Variants in ABCA12 observed in about 807,000 individuals in gnomAD.
ABCA12 encodes the protein ATP binding cassette subfamily A member 12, also known as glucosylceramide transporter ABCA12.
In ABCA12, 156 loss-of-function variants were observed where a neutral mutation model predicts 293.5. The observed-to-expected ratio is 0.53, with a 90% CI of 0.47 to 0.61. The LOEUF (loss-of-function observed/expected upper bound fraction) is 0.61. Among genes scored for constraint, ABCA12 ranks in the 20% least tolerant of loss-of-function variants. The pLI is 0.00. For missense variants in ABCA12, 2,797 were observed against 3,090.2 expected (o/e 0.91, Z 2.25); for synonymous variants, 1,063 against 1,108.0 (o/e 0.96, Z 0.81).
chr2:215,070,025 T>C (rs10177417), intron 2 of ABCA12, among the ~76,000 whole-genome samples: 86,031 of 152,112 alleles, frequency 0.57, 24,485 homozygotes, highest in East Asian at 0.69. Flanking sequence ...TCTAACCTAA[T>C]ATACATCGTT....
At chr2:214,992,221 T>A (rs921572885) in intron 23 of ABCA12, among the ~76,000 whole-genome samples, 1 of 151,702 alleles carries the variant, frequency 6.6e-6, no homozygotes, top group Non-Finnish European at 1.5e-5. Context: ...GACGGGCAGA[T>A]CACGAGGTCA....
At chr2:215,042,289 A>G (rs1236947121) in intron 7 of ABCA12, 2 of 152,148 alleles carry the variant, frequency 1.3e-5, no homozygotes, top group Non-Finnish European at 2.9e-5. Context: ...CAGGCCAGAG[A>G]GCACTGACAT....
chr2:214,975,192 G>A (rs766383501), intron 34 of ABCA12, among the ~76,000 whole-genome samples: 8 of 152,136 alleles, frequency 5.3e-5, no homozygotes, highest in Non-Finnish European at 8.8e-5. Flanking sequence ...TCAAACTCTG[G>A]AGCTCAAGTA....
intron 22 of ABCA12, 95 bp from the exon 23 acceptor site, chr2:214,997,904 T>C (rs975628932): frequency 1.4e-5 from 11 of 783,598 alleles, no homozygotes; most frequent in South Asian, 7.6e-5. Context: ...CTCTCTTACA[T>C]TGAACTTATG....
chr2:215,106,121 G>A (rs935232104), intron 2 of ABCA12, among the ~76,000 whole-genome samples: 47 of 152,096 alleles, frequency 3.1e-4, no homozygotes, highest in Non-Finnish European at 1.0e-4. Flanking sequence ...CAAGAGCAAG[G>A]CCAGAACACA....
intron 38 of ABCA12, among the ~76,000 whole-genome samples, chr2:214,967,176 G>A (rs1699281283): frequency 6.6e-6 from 1 of 152,026 alleles, no homozygotes; most frequent in Admixed American, 6.6e-5. Context: ...TTGTTCTGTG[G>A]ATAGCACTAA....
chr2:214,971,013 G>C (rs1481557892), intron 36 of ABCA12, among the ~76,000 whole-genome samples: 1 of 152,012 alleles, frequency 6.6e-6, no homozygotes, highest in Non-Finnish European at 1.5e-5. Flanking sequence ...GTGTACCCTG[G>C]TCACTTTCCC....
chr2:215,096,022 G>A (rs991991459), intron 2 of ABCA12, among the ~76,000 whole-genome samples: 10 of 152,106 alleles, frequency 6.6e-5, no homozygotes, highest in Non-Finnish European at 1.2e-4. Context: ...TCACACGGAC[G>A]TGCATAACAA....
At chr2:214,972,842 C>G (rs949803979) in intron 36 of ABCA12, among the ~76,000 whole-genome samples, 2 of 151,314 alleles carry the variant, frequency 1.3e-5, no homozygotes, top group South Asian at 4.2e-4. Flanking sequence ...ACTTTTAATA[C>G]TGGGTTAAGA....
intron 3 of ABCA12, among the ~76,000 whole-genome samples, chr2:215,055,517 T>A (rs1280315084): frequency 3.3e-5 from 5 of 152,064 alleles, no homozygotes; most frequent in Admixed American, 2.0e-4. Context: ...ATGCAAATAA[T>A]TTTTAGAATT....
chr2:214,993,659 T>A (rs1699973619), intron 23 of ABCA12, among the ~76,000 whole-genome samples: 1 of 152,198 alleles, frequency 6.6e-6, no homozygotes, highest in Non-Finnish European at 1.5e-5. Context: ...TACAAACATA[T>A]TTCGTCCCAG....
At chr2:215,034,731 T>C (rs550513483) in intron 8 of ABCA12, among the ~76,000 whole-genome samples, 19 of 152,216 alleles carry the variant, frequency 1.2e-4, no homozygotes, top group Non-Finnish European at 2.4e-4. Flanking sequence ...TTCTGTTTCT[T>C]TGTCTATAAA....
chr2:215,123,961 T>C (rs1702864783), intron 1 of ABCA12, among the ~76,000 whole-genome samples: 4 of 152,172 alleles, frequency 2.6e-5, no homozygotes, highest in Admixed American at 2.6e-4. Context: ...CATTGCATCA[T>C]TCTTATGCCT....
In ABCA12 at chr2:215,011,503, A is replaced by G. The variant is rs1700371838; in HGVS notation, c.2268T>C (p.Asp756=). Residue 756 remains aspartate (D), a synonymous_variant, in exon 17 of 53, where the codon GAT becomes GAC. Transcript: ENST00000272895. ...CTTTAGTTAATTTATAAGTCAAAAA[A>G]TCCTTGGTGTGGTTGCCTTTTGGCC... is the stretch of plus-strand genomic sequence containing the variant. ...SQRPKGNHTK[D]FLTYKLTKEQ... 6.2e-7 allele frequency: 1 copy of G among 1,614,042 alleles called. No individual in the cohort carries two copies. The highest frequency in any genetic ancestry group is 8.5e-7 in the Non-Finnish European group (1 of 1,179,910).
intron 28 of ABCA12, among the ~76,000 whole-genome samples, chr2:214,984,580 C>G (rs1446494253): frequency 6.6e-6 from 1 of 152,128 alleles, no homozygotes; most frequent in Non-Finnish European, 1.5e-5. Flanking sequence ...TGTGAGATTT[C>G]TTACAGGGTC....
chr2:215,011,910 T>C (rs1700384561), intron 16 of ABCA12, 61 bp downstream of exon 16: 6 of 1,501,860 alleles, frequency 4.0e-6, no homozygotes, highest in South Asian at 3.4e-5. Flanking sequence ...GAATGTATTA[T>C]AACTACTCAA....
In ABCA12 at chr2:215,036,964, G is replaced by C. The variant is rs138402017; in HGVS notation, c.974C>G (p.Ser325Cys). ...SVKHLLYTLD[S>C]PAQGDSDNIT... ...TGGAAATATAATACCTTGAGCTGGG[G>C]AGTCCAGAGTGTACAGCAGATGTTT... Residue 325 changes from serine to cysteine, a missense_variant, in exon 8 of 53, where the codon TCC becomes TGC. By Grantham distance (112) the Ser-to-Cys change is moderately radical. Around this residue, in one of 3 missense-constraint regions of ABCA12, gnomAD observed 656 missense variants for 638.2 expected, o/e 1.03. Coordinates refer to ENST00000272895, the MANE Select transcript of ABCA12 (RefSeq NM_173076.3). The C allele has an allele frequency of 3.7e-6, 6 of 1,613,644 alleles. No individual in the cohort carries two copies. The highest frequency in any genetic ancestry group is 4.2e-6 in the Non-Finnish European group (5 of 1,179,624).
At chr2:215,000,684 G>A (rs372451790) in intron 22 of ABCA12, 21 bp downstream of exon 22, 1 of 1,613,074 alleles carries the variant, frequency 6.2e-7, no homozygotes, top group South Asian at 1.1e-5. Context: ...CATTAAAAAG[G>A]CTGGAAGTGC....
intron 45 of ABCA12, 149 bp downstream of exon 45, chr2:214,950,730 C>T: frequency 2.2e-5 from 18 of 805,584 alleles, no homozygotes; most frequent in South Asian, 4.6e-5. Context: ...GTCTCAAACT[C>T]TTGACCTCAA....
Sources: allele counts gnomAD v4.1 joint callset (sites outside exome capture counted in the v4.1 genomes callset), GRCh38; gene constraint gnomAD v4.1.1; regional missense constraint gnomAD v4.1.1; transcripts MANE v1.5; gene names NCBI Gene and HGNC (gene_info 2026-07-23, HGNC 2026-07-21).